GBF1: variants seen among roughly 807,000 people sequenced by gnomAD.
GBF1 encodes golgi brefeldin A resistant guanine nucleotide exchange factor 1, also known as Golgi-specific brefeldin A-resistance guanine nucleotide exchange factor 1.
GBF1 carries 114 observed loss-of-function variants against 210.5 expected under a neutral mutation model. That is an observed-to-expected ratio of 0.54 (90% CI 0.47 to 0.63). The LOEUF is 0.63. Ranked by LOEUF, GBF1 falls within the 30% of genes least tolerant of loss-of-function variation. The pLI, the probability that GBF1 is intolerant of heterozygous loss-of-function variation, is 0.00. For missense variants in GBF1, 1,851 were observed against 2,357.7 expected (o/e 0.79, Z 4.45); for synonymous variants, 850 against 889.2 (o/e 0.96, Z 0.78).
At chr10:102,355,244 T>G (rs2134894277) in intron 8 of GBF1, among the ~76,000 whole-genome samples, 1 of 152,330 alleles carries the variant, frequency 6.6e-6, no homozygotes, top group African/African-American at 2.4e-5. Flanking sequence ...AAAAACTCTG[T>G]GTATGTACAC....
intron 3 of GBF1, among the ~76,000 whole-genome samples, chr10:102,335,307 T>C (rs1487136201): frequency 2.0e-5 from 3 of 152,190 alleles, no homozygotes; most frequent in Non-Finnish European, 2.9e-5. Flanking sequence ...TAATCTGCAC[T>C]CTGTGTTTAC....
At chr10:102,231,768 C>A in the GBF1 span, 1 of 1,604,798 alleles carries the variant, frequency 6.2e-7, no homozygotes. Context: ...CGCCGGGCAG[C>A]GAAGCCGAGG....
chr10:102,351,926 G>A lies in GBF1; in HGVS notation c.498G>A (p.Arg166=), dbSNP rs201577906. 1.7e-5 allele frequency: 28 copies of A among 1,605,964 alleles called. No homozygotes were observed. The highest frequency in any genetic ancestry group is 6.8e-6 in the Non-Finnish European group (8 of 1,172,618). Residue 166 remains arginine, a synonymous_variant, in exon 6 of 40, where the codon CGG becomes CGA. Coordinates refer to ENST00000369983, the MANE Select transcript of GBF1 (RefSeq NM_001377137.1). Reference sequence around the variant, plus strand: ...GTGAGATTATGCAGTCTTGCTTCCGGATCTGCTTTGAAATGAGGCTCAGTG... The same window carrying A: ...GTGAGATTATGCAGTCTTGCTTCCGAATCTGCTTTGAAATGAGGCTCAGTG... ...SVCEIMQSCF[R]ICFEMRLSEL...
chr10:102,367,606 C>A, intron 21 of GBF1, 46 bp downstream of exon 21: 1 of 1,085,170 alleles, frequency 9.2e-7, no homozygotes, highest in Non-Finnish European at 1.4e-6. Context: ...TAAGAAGAAG[C>A]ACATTGCTTC....
intron 6 of GBF1, 105 bp downstream of exon 6, chr10:102,352,056 A>G (rs1393863465): frequency 1.1e-5 from 8 of 736,164 alleles, no homozygotes; most frequent in Non-Finnish European, 2.0e-5. Context: ...GGACTTCTCC[A>G]TCATCTATCT....
rs538992702 is a variant in GBF1 at position 102,359,506 on chromosome 10, G to A, written c.1180+71G>A. On this transcript the variant is annotated intron_variant, in intron 11 of 39. Coordinates refer to ENST00000369983, the MANE Select transcript of GBF1 (RefSeq NM_001377137.1). ...CTACTAAGCTGCCTGAGCCTAGACC[G>A]TCTTAAACCAAGATATTGGACTACT... 1.5e-4 allele frequency: 171 copies of A among 1,143,828 alleles called. 2 individuals carry two copies. The highest frequency in any genetic ancestry group is 2.1e-4 in the Non-Finnish European group (160 of 763,652). 70.9% of individuals were successfully genotyped at this position (1,143,828 alleles called of 1,614,324 possible).
intron 4 of GBF1, 106 bp downstream of exon 4, chr10:102,344,288 A>G (rs1274657919): frequency 3.2e-6 from 3 of 929,102 alleles, no homozygotes; most frequent in Non-Finnish European, 5.1e-6. Context: ...AATTTTTTCC[A>G]GTCACCTCTT....
intron 3 of GBF1, among the ~76,000 whole-genome samples, chr10:102,313,413 CAGG>C (rs998666479): frequency 2.6e-5 from 4 of 152,180 alleles, no homozygotes; most frequent in African/African-American, 7.2e-5. Context: ...GTGTGGGTTA[CAGG>C]AGGAGAAGAT....
chr10:102,298,544 A>G (rs541310798), intron 3 of GBF1, among the ~76,000 whole-genome samples: 1 of 152,352 alleles, frequency 6.6e-6, no homozygotes, highest in South Asian at 2.1e-4. Context: ...TAAATCTTTC[A>G]GAGATTAATA....
At chr10:102,354,020 T>C (rs939683628) in intron 8 of GBF1, among the ~76,000 whole-genome samples, 1 of 152,124 alleles carries the variant, frequency 6.6e-6, no homozygotes. Context: ...ATGTCCCAAA[T>C]CCTACCTCAA....
At chr10:102,336,579 C>A (rs1020082478) in intron 3 of GBF1, among the ~76,000 whole-genome samples, 10 of 151,750 alleles carry the variant, frequency 6.6e-5, no homozygotes, top group Admixed American at 6.6e-5. Flanking sequence ...TATCTAATAC[C>A]CATTTACAAG....
At chr10:102,346,702 TTCTCCATGTTGCCCAGGCTGG>T (rs904494206) in intron 4 of GBF1, among the ~76,000 whole-genome samples, 1 of 152,104 alleles carries the variant, frequency 6.6e-6, no homozygotes, top group African/African-American at 2.4e-5. Context: ...GAAGTGGAGT[TTCTCCATGTTGCCCAGGCTGG>T]TCTTGAACTC....
At position 102,361,010 on chromosome 10, in the gene GBF1, T is replaced by G; in HGVS notation, c.1393-12T>G. 1.6e-6 allele frequency: 2 copies of G among 1,257,916 alleles called. No homozygotes were observed. The highest frequency in any genetic ancestry group is 2.3e-6 in the Non-Finnish European group (2 of 857,350). The allele number at this position is 1,257,916 out of a possible 1,614,324, so 77.9% of individuals were successfully genotyped here. A position where few individuals can be genotyped will look rare whatever the true frequency, so the allele number is the denominator to read the frequency against. On this transcript the variant is annotated splice_polypyrimidine_tract_variant and intron_variant, in intron 12 of 39. Transcript: ENST00000369983. ...AAAAAAAACTCATGGCCTACCCTGCTCTCATCTCCAGCTACTCAGCATAGA... is the reference window on the plus strand; with the variant it reads ...AAAAAAAACTCATGGCCTACCCTGCGCTCATCTCCAGCTACTCAGCATAGA...
chr10:102,379,355 C>T lies in GBF1; in HGVS notation c.4566C>T (p.Arg1522=), dbSNP rs1350221614. The change falls in exon 34 of 40, where the codon CGC becomes CGT. Residue 1522 remains arginine (R), a synonymous_variant. Transcript: ENST00000369983. ...SIYSSWAEEQ[R]HLETGGQKIE... The stretch of plus-strand genomic sequence containing the variant: ...ACAGCTCATGGGCGGAGGAGCAACG[C>T]CACCTGGAGACAGGTGGCCAGAAGA... 2 of 1,613,886 alleles carry T rather than the reference C, an allele frequency of 1.2e-6. No individual in the cohort carries two copies. The highest frequency in any genetic ancestry group is 1.7e-6 in the Non-Finnish European group (2 of 1,179,950).
chr10:102,297,163 A>G (rs2076978276), intron 3 of GBF1, among the ~76,000 whole-genome samples: 1 of 152,236 alleles, frequency 6.6e-6, no homozygotes, highest in African/African-American at 2.4e-5. Flanking sequence ...CCCAAGTGAC[A>G]TTTCACTGCC....
intron 3 of GBF1, among the ~76,000 whole-genome samples, chr10:102,304,665 T>C (rs1229484409): frequency 6.6e-6 from 1 of 151,634 alleles, no homozygotes; most frequent in Non-Finnish European, 1.5e-5. Context: ...ATCTTGCTAC[T>C]AGGGAGGCTG....
chr10:102,323,946 TCTAGGAAGG>T (rs747829754), intron 3 of GBF1, among the ~76,000 whole-genome samples: 4 of 152,078 alleles, frequency 2.6e-5, no homozygotes, highest in Non-Finnish European at 5.9e-5. Context: ...CTGCCTACTT[TCTAGGAAGG>T]CTAGCCTTCC....
Position 102,282,322 on chromosome 10 carries a change from C to G in GBF1, c.163+22206C>G, listed in dbSNP as rs771920973. ...CCCTTTTACAGATAAAACTCAGGTT[C>G]CAGAAAAATTAAGTAACATTTTCAA... is the stretch of plus-strand genomic sequence containing the variant. On this transcript the variant is annotated intron_variant, in intron 3 of 39. Coordinates refer to ENST00000369983, the MANE Select transcript of GBF1 (RefSeq NM_001377137.1). 2.5e-4 allele frequency among the ~76,000 whole-genome samples: 38 copies of G among 152,160 alleles called. No individual in the cohort carries two copies. In the Middle Eastern group the frequency reaches 0.01, roughly 41 times the overall value.
At chr10:102,360,503 C>G (rs944033446) in intron 12 of GBF1, 108 bp downstream of exon 12, 5 of 729,558 alleles carry the variant, frequency 6.9e-6, no homozygotes, top group East Asian at 2.6e-5. Flanking sequence ...AAGCATCTCC[C>G]TCCCAGTTGG....
Sources: gnomAD v4.1 joint callset for allele counts (sites outside exome capture counted in the v4.1 genomes callset) on GRCh38, gnomAD v4.1.1 for gene constraint, MANE v1.5 for transcripts, NCBI Gene and HGNC (gene_info 2026-07-23, HGNC 2026-07-21) for gene names.